Variants in RMDN3 observed in about 807,000 individuals in gnomAD.
RMDN3 encodes the protein regulator of microtubule dynamics protein 3.
A neutral mutation model predicts 61.8 loss-of-function variants in RMDN3; 41 were observed. That is an observed-to-expected ratio of 0.66 (90% CI 0.52 to 0.86). The LOEUF (loss-of-function observed/expected upper bound fraction) is 0.86, where lower values mean the gene tolerates loss of function less well. Ranked by LOEUF, RMDN3 falls within the 40% of genes least tolerant of loss-of-function variation. RMDN3 has a pLI of 0.00. For synonymous variants in RMDN3, 247 were observed against 232.0 expected, an observed-to-expected ratio of 1.06 and a Z score of -0.59; for missense variants, 557 against 585.3, an observed-to-expected ratio of 0.95 and a Z score of 0.50.
chr15:40,754,920 C>T, intron 1 of RMDN3, 130 bp from the exon 2 acceptor site: 1 of 734,802 alleles, frequency 1.4e-6, no homozygotes, highest in Non-Finnish European at 2.2e-6. Flanking sequence ...CTTGCCCAAA[C>T]CCTGAGCTCT....
chr15:40,746,806 A>G (rs1897586176), intron 4 of RMDN3, among the ~76,000 whole-genome samples: 1 of 152,148 alleles, frequency 6.6e-6, no homozygotes, highest in Non-Finnish European at 1.5e-5. Flanking sequence ...CTTGTAAGGT[A>G]TTTAAAACCT....
chr15:40,754,662 T>TGACGCTGGGTCCGTTTCC lies in RMDN3; in HGVS notation c.104_121dup (p.Arg40_His41insArgLysArgThrGlnArg), dbSNP rs760818834. ...GTTGGGCAGGCTCTGGCTGCGGCCA[T>TGACGCTGGGTCCGTTTCC]GACGCTGGGTCCGTTTCCATCGCTG... On this transcript the variant is annotated inframe_insertion, in exon 2 of 13. Transcript: ENST00000338376. 1 of 1,614,120 alleles carries TGACGCTGGGTCCGTTTCC rather than the reference T, an allele frequency of 6.2e-7. No homozygotes were observed. The highest frequency in any genetic ancestry group is 1.1e-5 in the South Asian group (1 of 91,084).
chr15:40,737,784 A>ATCTT, intron 9 of RMDN3, 58 bp from the exon 10 acceptor site: 1 of 1,556,316 alleles, frequency 6.4e-7, no homozygotes, highest in Admixed American at 1.7e-5. Flanking sequence ...TTTTCTTTAA[A>ATCTT]TCTTTGGGGA....
chr15:40,744,308 C>T, intron 5 of RMDN3, 159 bp from the exon 6 acceptor site: 1 of 633,430 alleles, frequency 1.6e-6, no homozygotes, highest in Non-Finnish European at 2.8e-6. Context: ...CCCCAGTCAT[C>T]CCTTCCCACG....
intron 4 of RMDN3, among the ~76,000 whole-genome samples, chr15:40,746,173 A>C (rs1897538201): frequency 6.6e-6 from 1 of 152,172 alleles, no homozygotes. Flanking sequence ...TAAATGCCTA[A>C]AATAGATAAG....
At chr15:40,753,931 A>G (rs1376415491) in intron 2 of RMDN3, among the ~76,000 whole-genome samples, 1 of 152,168 alleles carries the variant, frequency 6.6e-6, no homozygotes, top group Non-Finnish European at 1.5e-5. Flanking sequence ...AAGACTTTTA[A>G]TCCCTACAAG....
intron 4 of RMDN3, among the ~76,000 whole-genome samples, chr15:40,749,709 C>T (rs1466395430): frequency 2.6e-5 from 4 of 152,214 alleles, no homozygotes; most frequent in Admixed American, 6.5e-5. Flanking sequence ...ACTACTTCCT[C>T]GGTCTCTCTC....
At chr15:40,737,421 G>T in intron 10 of RMDN3, 80 bp from the exon 11 acceptor site, 1 of 1,380,300 alleles carries the variant, frequency 7.2e-7, no homozygotes, top group Non-Finnish European at 1.0e-6. Flanking sequence ...TAGATTTCTA[G>T]TCCCCAACCA....
chr15:40,736,728 A>G (rs1375570661), intron 12 of RMDN3, 134 bp from the exon 13 acceptor site: 2 of 719,808 alleles, frequency 2.8e-6, no homozygotes, highest in Non-Finnish European at 4.7e-6. Flanking sequence ...TCCCCAGGAT[A>G]GCCTGGAGCC....
rs140424662 is a variant in RMDN3 at position 40,737,399 on chromosome 15, A to G, written c.1225-58T>C. 620 of 1,517,124 alleles carry G rather than the reference A, an allele frequency of 4.1e-4. 2 individuals carry two copies. In the African/African-American group the frequency reaches 6.0e-3, roughly 15 times the overall value. 94.0% of individuals were successfully genotyped at this position (1,517,124 alleles called of 1,614,324 possible). ...GGTTCCTATATTCTAATCAGGCTGA[A>G]GTTTATTAAACTAGATTTCTAGTCC... is the stretch of plus-strand genomic sequence containing the variant. On this transcript the variant is annotated intron_variant, in intron 10 of 12. Transcript: ENST00000338376.
chr15:40,743,226 G>A (rs1225160574), intron 6 of RMDN3, among the ~76,000 whole-genome samples: 1 of 152,118 alleles, frequency 6.6e-6, no homozygotes. Flanking sequence ...TTCAAGACCA[G>A]CCTAGCCAAC....
intron 5 of RMDN3, 53 bp downstream of exon 5, chr15:40,744,922 CAG>C (rs1281464109): frequency 2.6e-6 from 4 of 1,515,276 alleles, no homozygotes; most frequent in East Asian, 2.3e-5. Flanking sequence ...GGGTCAGGAA[CAG>C]AGAGATGGAG....
At chr15:40,754,111 G>C (rs1488880454) in intron 2 of RMDN3, among the ~76,000 whole-genome samples, 1 of 144,124 alleles carries the variant, frequency 6.9e-6, no homozygotes, top group Non-Finnish European at 1.5e-5. Context: ...CGAAAGAGTA[G>C]AGAAAACCAC....
chr15:40,737,429 C>T, intron 10 of RMDN3, 88 bp from the exon 11 acceptor site: 2 of 1,324,840 alleles, frequency 1.5e-6, no homozygotes, highest in South Asian at 2.4e-5. Context: ...TAGTCCCCAA[C>T]CATGTGGCTG....
At position 40,752,171 on chromosome 15, in the gene RMDN3, G is replaced by T; in HGVS notation, c.195C>A (p.Leu65=). Residue 65 remains leucine, a synonymous_variant, in exon 3 of 13, where the codon CTC becomes CTA. Transcript: ENST00000338376. ...QTSDPGRHVM[L]LRAVPGGAGD... ...CAGCCCCACCTGGGACAGCCCGCAG[G>T]AGCATCACTGAAGGGGGAAACGAAT... is the stretch of plus-strand genomic sequence containing the variant. The T allele has an allele frequency of 1.2e-6, 2 of 1,613,530 alleles. No homozygotes were observed. The highest frequency in any genetic ancestry group is 1.7e-6 in the Non-Finnish European group (2 of 1,179,670).
chr15:40,737,881 C>T, intron 9 of RMDN3, 84 bp downstream of exon 9: 7 of 1,536,652 alleles, frequency 4.6e-6, no homozygotes, highest in Non-Finnish European at 6.3e-6. Context: ...CCAGAGAAGG[C>T]TGAGGATCTT....
intron 8 of RMDN3, 119 bp downstream of exon 8, chr15:40,738,382 A>T: frequency 1.2e-6 from 1 of 806,004 alleles, no homozygotes; most frequent in Non-Finnish European, 1.9e-6. Flanking sequence ...ACTCTGTCTC[A>T]AAAAAAAAGA....
intron 2 of RMDN3, 61 bp from the exon 3 acceptor site, chr15:40,752,239 A>C: frequency 9.4e-5 from 142 of 1,506,902 alleles, no homozygotes; most frequent in Non-Finnish European, 1.2e-4. Flanking sequence ...AAGAGATCTC[A>C]CACCCAGAAT....
intron 4 of RMDN3, chr15:40,747,556 C>T (rs920114661): frequency 6.6e-6 from 1 of 152,264 alleles, no homozygotes; most frequent in East Asian, 1.9e-4. Flanking sequence ...CATTCTCTCT[C>T]ACTTTCCACC....
Sources: gnomAD v4.1 joint callset for allele counts (sites outside exome capture counted in the v4.1 genomes callset) on GRCh38, gnomAD v4.1.1 for gene constraint, MANE v1.5 for transcripts, NCBI Gene and HGNC (gene_info 2026-07-23, HGNC 2026-07-21) for gene names.